Variants in LRP1B observed in about 807,000 individuals in gnomAD.
The protein encoded by LRP1B is LDL receptor related protein 1B, also known as low-density lipoprotein receptor-related protein 1B.
A neutral mutation model predicts 556.6 loss-of-function variants in LRP1B; 217 were observed. The ratio of observed to expected loss-of-function variants is 0.39; its 90% CI spans 0.35 to 0.44. The LOEUF (loss-of-function observed/expected upper bound fraction) is 0.44, where lower values mean the gene tolerates loss of function less well. Among genes scored for constraint, LRP1B ranks in the 20% least tolerant of loss-of-function variants. The pLI is 1.00. For synonymous variants in LRP1B, 2,047 were observed against 1,865.8 expected, an observed-to-expected ratio of 1.10 and a Z score of -2.50; for missense variants, 5,053 against 5,620.8, an observed-to-expected ratio of 0.90 and a Z score of 3.23.
At chr2:141,705,952 T>G (rs1692121092) in intron 2 of LRP1B, among the ~76,000 whole-genome samples, 1 of 152,078 alleles carries the variant, frequency 6.6e-6, no homozygotes, top group Admixed American at 6.6e-5. Context: ...TTTATTTTTC[T>G]TTTAATTAGT....
chr2:141,514,596 T>C (rs149695784), intron 2 of LRP1B, among the ~76,000 whole-genome samples: 3 of 152,284 alleles, frequency 2.0e-5, no homozygotes, highest in African/African-American at 7.2e-5. Flanking sequence ...TACATGCAAG[T>C]ACAGATGTTC....
chr2:142,124,123 A>G (rs1707556823), intron 1 of LRP1B, among the ~76,000 whole-genome samples: 1 of 151,918 alleles, frequency 6.6e-6, no homozygotes, highest in Admixed American at 6.6e-5. Context: ...TGTTGATCAT[A>G]TTATCTTACC....
intron 37 of LRP1B, among the ~76,000 whole-genome samples, chr2:140,703,092 A>G (rs779957058): frequency 6.6e-6 from 1 of 152,290 alleles, no homozygotes; most frequent in East Asian, 1.9e-4. Flanking sequence ...TGTGGTAAAT[A>G]CATATTTAAT....
At chr2:142,120,431 A>G (rs941392927) in intron 1 of LRP1B, among the ~76,000 whole-genome samples, 7 of 152,018 alleles carry the variant, frequency 4.6e-5, no homozygotes, top group African/African-American at 1.7e-4. Context: ...GTTTTCTTGG[A>G]ATTTCCAGGG....
intron 35 of LRP1B, among the ~76,000 whole-genome samples, chr2:140,724,862 T>C (rs1027252152): frequency 6.6e-6 from 1 of 152,206 alleles, no homozygotes; most frequent in Non-Finnish European, 1.5e-5. Context: ...TTTACTTAGA[T>C]TTTAATTATT....
intron 3 of LRP1B, among the ~76,000 whole-genome samples, chr2:141,452,368 CT>C (rs150012644): frequency 4.6e-5 from 7 of 151,964 alleles, no homozygotes; most frequent in African/African-American, 9.6e-5. Flanking sequence ...CCTGATGAGA[CT>C]TTTTTTTGAT....
intron 6 of LRP1B, among the ~76,000 whole-genome samples, chr2:141,217,328 G>A (rs1182050050): frequency 1.3e-5 from 2 of 152,054 alleles, no homozygotes; most frequent in Non-Finnish European, 2.9e-5. Context: ...ATTATATATA[G>A]TATACATGTG....
intron 1 of LRP1B, among the ~76,000 whole-genome samples, chr2:142,059,054 T>C (rs1704793379): frequency 6.6e-6 from 1 of 152,118 alleles, no homozygotes; most frequent in African/African-American, 2.4e-5. Flanking sequence ...GCTTCACTTC[T>C]CTGAATGACA....
At chr2:142,129,793 G>T (rs1165740171) in intron 1 of LRP1B, among the ~76,000 whole-genome samples, 2 of 152,024 alleles carry the variant, frequency 1.3e-5, no homozygotes, top group African/African-American at 4.8e-5. Context: ...TTTTTCACCA[G>T]TGCATCTGTT....
At chr2:140,252,893 T>C (rs1681512903) in intron 86 of LRP1B, among the ~76,000 whole-genome samples, 1 of 152,046 alleles carries the variant, frequency 6.6e-6, no homozygotes. Context: ...TATAAACAAA[T>C]ATACCCTTAT....
At chr2:140,566,791 T>C (rs879328832) in intron 43 of LRP1B, among the ~76,000 whole-genome samples, 1 of 152,146 alleles carries the variant, frequency 6.6e-6, no homozygotes, top group Non-Finnish European at 1.5e-5. Flanking sequence ...AAACATACTG[T>C]ACCCTGGTCA....
At position 141,843,909 on chromosome 2, in the gene LRP1B, C is replaced by T. The variant is rs988391018; in HGVS notation, c.83-33508G>A. 5.5e-4 allele frequency among the ~76,000 whole-genome samples: 84 copies of T among 152,058 alleles called. 1 individual carries two copies. The highest frequency in any genetic ancestry group is 9.6e-4 in the Non-Finnish European group (65 of 67,996). Reference sequence around the variant, plus strand: ...CCTCATTTACCCAGCAAATGCTTTACCCAGGGAACCATAACATCAGCCGGC... The same window carrying T: ...CCTCATTTACCCAGCAAATGCTTTATCCAGGGAACCATAACATCAGCCGGC... On this transcript the variant is annotated intron_variant, in intron 1 of 90. Transcript: ENST00000389484.
intron 18 of LRP1B, among the ~76,000 whole-genome samples, chr2:140,968,010 GCCAGGC>G (rs1553438795): frequency 7.6e-5 from 4 of 52,378 alleles, no homozygotes; most frequent in Admixed American, 2.7e-4. Flanking sequence ...CTCTTTTTTT[GCCAGGC>G]TTTGGTATCA....
chr2:141,229,519 C>T (rs2105294935), intron 5 of LRP1B, 79 bp from the exon 6 acceptor site: 1 of 1,040,526 alleles, frequency 9.6e-7, no homozygotes, highest in Non-Finnish European at 1.4e-6. Context: ...TTATTGAAAG[C>T]TATTTTCTAT....
At chr2:141,202,523 A>G (rs2105229160) in intron 6 of LRP1B, among the ~76,000 whole-genome samples, 1 of 151,998 alleles carries the variant, frequency 6.6e-6, no homozygotes, top group African/African-American at 2.4e-5. Context: ...ACTAATTAAC[A>G]CTCCCACCAA....
At chr2:141,818,638 T>C (rs7587173) in intron 1 of LRP1B, among the ~76,000 whole-genome samples, 1 of 148,666 alleles carries the variant, frequency 6.7e-6, no homozygotes, top group Non-Finnish European at 1.5e-5. Context: ...CCAGGTTCAC[T>C]CCATTCTCCT....
chr2:141,815,889 CCA>C (rs1361106962), intron 1 of LRP1B, among the ~76,000 whole-genome samples: 1 of 152,136 alleles, frequency 6.6e-6, no homozygotes, highest in Non-Finnish European at 1.5e-5. Flanking sequence ...GACCGTGAAC[CCA>C]CCGGAAGGAA....
chr2:140,615,442 A>C (rs1559007232), intron 41 of LRP1B, among the ~76,000 whole-genome samples: 1 of 152,104 alleles, frequency 6.6e-6, no homozygotes, highest in Non-Finnish European at 1.5e-5. Flanking sequence ...CCCTGCAATT[A>C]TTAAACTCTT....
At chr2:141,448,079 TG>T (rs1681266368) in intron 3 of LRP1B, among the ~76,000 whole-genome samples, 1 of 152,210 alleles carries the variant, frequency 6.6e-6, no homozygotes, top group Admixed American at 6.5e-5. Flanking sequence ...AGATCCTGAC[TG>T]GGGCTGCTGC....
Sources: gnomAD v4.1 joint callset for allele counts (sites outside exome capture counted in the v4.1 genomes callset) on GRCh38, gnomAD v4.1.1 for gene constraint, MANE v1.5 for transcripts, NCBI Gene and HGNC (gene_info 2026-07-23, HGNC 2026-07-21) for gene names.